Variants in ZNF839 observed in about 807,000 individuals in gnomAD.
ZNF839 encodes the protein renal carcinoma antigen NY-REN-50.
ZNF839 carries 38 observed loss-of-function variants against 56.4 expected under a neutral mutation model. The ratio of observed to expected loss-of-function variants is 0.67; its 90% CI spans 0.52 to 0.88. The LOEUF is 0.88. Ranked by LOEUF, ZNF839 falls within the 40% of genes least tolerant of loss-of-function variation. ZNF839 has a pLI of 0.00. For synonymous variants in ZNF839, 486 were observed against 493.5 expected (o/e 0.98, Z 0.20); for missense variants, 1,091 against 1,177.6 (o/e 0.93, Z 1.08).
At chr14:102,331,282 CTT>C (rs1597722959) in intron 2 of ZNF839, among the ~76,000 whole-genome samples, 1 of 152,052 alleles carries the variant, frequency 6.6e-6, no homozygotes, top group South Asian at 2.1e-4. Context: ...GAGTTTCCCT[CTT>C]GTCACCCAGG....
upstream of ZNF839, among the ~76,000 whole-genome samples, chr14:102,318,755 A>G (rs1050893587): frequency 1.3e-5 from 2 of 152,146 alleles, no homozygotes; most frequent in African/African-American, 4.8e-5. Context: ...ATCTTCCAGA[A>G]CCTTCTCTGA....
Position 102,326,552 on chromosome 14 carries a change from CT to C in ZNF839, c.857del (p.Leu286ProfsTer23). On this transcript the variant is annotated frameshift_variant, in exon 2 of 8. Transcript: ENST00000442396. LOFTEE classifies it high-confidence loss of function. The surrounding 1 kb of genome is among the most constrained non-coding windows in gnomAD (Gnocchi z 4.3). ...GTCAGATTCTGATGATTACTCAGAA[CT>C]CTGTGTGGAAGAAGATGAAGATCAG... Reference protein sequence around the residue: ...HLSDSDDYSELCVEEDEDQRE... With the variant: ...HLSDSDDYSEXCVEEDEDQRE... The C allele has an allele frequency of 6.2e-7, 1 of 1,613,986 alleles. No individual in the cohort carries two copies. Among genetic ancestry groups the C allele is most frequent in the Non-Finnish European group, 8.5e-7 (1 of 1,179,896 alleles).
Position 102,332,695 on chromosome 14 carries a change from A to T in ZNF839, c.1416+849A>T, listed in dbSNP as rs2073842081. The stretch of plus-strand genomic sequence containing the variant: ...GAGGCCGAGGTGGGCGGATCACCTG[A>T]AGTCAGGAGTTCGAGACCAGCCTGA... On this transcript the variant is annotated intron_variant, in intron 3 of 7. Coordinates refer to ENST00000442396, the MANE Select transcript of ZNF839 (RefSeq NM_018335.6). The surrounding 1 kb of genome is among the most constrained non-coding windows in gnomAD (Gnocchi z 4.9). Among the ~76,000 whole-genome samples, 1 of 151,908 alleles carries T rather than the reference A, an allele frequency of 6.6e-6. No individual in the cohort carries two copies. Among genetic ancestry groups the T allele is most frequent in the South Asian group, 2.1e-4 (1 of 4,800 alleles).
chr14:102,335,433 C>T (rs528044861), intron 4 of ZNF839: 3 of 415,078 alleles, frequency 7.2e-6, no homozygotes, highest in Non-Finnish European at 8.7e-6. Context: ...CCCACCCTGT[C>T]CAGGAGCTCA....
In ZNF839 at chr14:102,319,770, C is replaced by A; in HGVS notation, c.5C>A (p.Ala2Glu). 1.6e-6 allele frequency: 2 copies of A among 1,230,486 alleles called. No individual in the cohort carries two copies. Among genetic ancestry groups the A allele is most frequent in the Non-Finnish European group, 2.0e-6 (2 of 986,894 alleles). The allele number at this position is 1,230,486 out of a possible 1,614,324, so 76.2% of individuals were successfully genotyped here. The change falls in exon 1 of 8, where the codon GCG becomes GAG. Residue 2 changes from alanine (A) to glutamate (E), a missense_variant. Transcript: ENST00000442396. The surrounding 1 kb of genome is among the most constrained non-coding windows in gnomAD (Gnocchi z 4.5). The stretch of plus-strand genomic sequence containing the variant: ...CGAGTCCCCGCCTCGGCCGCCATGG[C>A]GGATGCGGAGCCGGAGGCTGGGGGC... The part of the protein sequence containing the change: M[A>E]DAEPEAGGGS...
At chr14:102,320,891 C>T (rs1009746563) in intron 1 of ZNF839, among the ~76,000 whole-genome samples, 2 of 152,300 alleles carry the variant, frequency 1.3e-5, no homozygotes, top group African/African-American at 4.8e-5. Flanking sequence ...AAATTCCACC[C>T]CATTTCAGCG....
chr14:102,338,539 GAAAAAAA>G (rs954011615), intron 5 of ZNF839, among the ~76,000 whole-genome samples: 3 of 32,076 alleles, frequency 9.4e-5, no homozygotes, highest in Admixed American at 3.1e-4. Flanking sequence ...CTCTGTCTCA[GAAAAAAA>G]AAAAAAAAAA....
chr14:102,321,222 A>G (rs1224618041), intron 1 of ZNF839, among the ~76,000 whole-genome samples: 2 of 152,252 alleles, frequency 1.3e-5, no homozygotes, highest in African/African-American at 4.8e-5. Context: ...AGCTATCTGC[A>G]AAGCCTCTGC....
chr14:102,328,999 C>G (rs1368324285), intron 2 of ZNF839, among the ~76,000 whole-genome samples: 3 of 146,408 alleles, frequency 2.0e-5, no homozygotes, highest in African/African-American at 7.6e-5. Flanking sequence ...GAGATGGAGT[C>G]TTGCTCTGTC....
chr14:102,326,457 C>G lies in ZNF839; in HGVS notation c.761C>G (p.Ser254Cys), dbSNP rs1411644329. ...LKVKTRSGRVSRPPKYKAKDY... is the reference protein window; with the variant it reads ...LKVKTRSGRVCRPPKYKAKDY... ...GTAAAGACACGTTCTGGACGGGTAT[C>G]TCGACCTCCCAAATATAAAGCTAAA... Residue 254 changes from serine (S) to cysteine (C), a missense_variant, in exon 2 of 8, where the codon TCT (serine) becomes TGT (cysteine). By Grantham distance (112) the Ser-to-Cys change is moderately radical. Around this residue, in one of 3 missense-constraint regions of ZNF839, gnomAD observed 614 missense variants for 629.2 expected, o/e 0.98. Transcript: ENST00000442396. The surrounding 1 kb of genome is among the most constrained non-coding windows in gnomAD (Gnocchi z 4.3). 5 of 1,614,006 alleles carry G rather than the reference C, an allele frequency of 3.1e-6. No homozygotes were observed. The African/African-American group carries it at 4.0e-5, about 13-fold the overall frequency.
intron 4 of ZNF839, chr14:102,335,484 C>T: frequency 1.8e-6 from 1 of 545,240 alleles, no homozygotes; most frequent in Middle Eastern, 4.9e-4. Flanking sequence ...TTGTTTGTTT[C>T]TTGGCCTGCT....
chr14:102,324,527 A>G (rs2073302950), intron 1 of ZNF839, among the ~76,000 whole-genome samples: 1 of 152,074 alleles, frequency 6.6e-6, no homozygotes. Flanking sequence ...TGGACCACAG[A>G]GCGAGACTTC....
At chr14:102,330,935 G>A (rs2073749043) in intron 2 of ZNF839, among the ~76,000 whole-genome samples, 1 of 152,222 alleles carries the variant, frequency 6.6e-6, no homozygotes, top group Non-Finnish European at 1.5e-5. Flanking sequence ...CAAAAGCCAT[G>A]CAGATGCATG....
intron 1 of ZNF839, among the ~76,000 whole-genome samples, chr14:102,320,789 G>A (rs1163817314): frequency 6.6e-6 from 1 of 152,142 alleles, no homozygotes; most frequent in Non-Finnish European, 1.5e-5. Flanking sequence ...ACACCTTTTG[G>A]TTGCTAGGGG....
In ZNF839 at chr14:102,325,980, G is replaced by T. The variant is rs80078732; in HGVS notation, c.289-5G>T. The T allele has an allele frequency of 6.2e-7, 1 of 1,610,738 alleles. No individual in the cohort carries two copies. Among genetic ancestry groups the T allele is most frequent in the Non-Finnish European group, 8.5e-7 (1 of 1,178,648 alleles). ...TTTTCTCTTTCTTGTCTTTCTGTAC[G>T]TAAGCAACTAGAAGCCATTTGTGTC... On this transcript the variant is annotated splice_region_variant and splice_polypyrimidine_tract_variant and intron_variant, in intron 1 of 7. Coordinates refer to ENST00000442396, the MANE Select transcript of ZNF839 (RefSeq NM_018335.6).
At position 102,342,237 on chromosome 14, in the gene ZNF839, A is replaced by C; in HGVS notation, c.*58A>C. On this transcript the variant is annotated 3_prime_UTR_variant, in exon 8 of 8. Transcript: ENST00000442396. ...GTCACCGTGGAGCCAGAGCCCTCACAGTGAAGTGGAGTCAGATCCTAGATT... is the reference window on the plus strand; with the variant it reads ...GTCACCGTGGAGCCAGAGCCCTCACCGTGAAGTGGAGTCAGATCCTAGATT... The C allele has an allele frequency of 3.9e-6, 6 of 1,536,040 alleles. No individual in the cohort carries two copies. Among genetic ancestry groups the C allele is most frequent in the Non-Finnish European group, 5.3e-6 (6 of 1,141,888 alleles).
Position 102,342,049 on chromosome 14 carries a change from G to T in ZNF839, c.2654G>T (p.Gly885Val). The stretch of plus-strand genomic sequence containing the variant: ...GGGAGCCATGAGTTACTGTCTCAGG[G>T]ACAGAAGCAGATTTTTATTCAGACT... ...SNGSHELLSQGQKQIFIQTSD... is the reference protein window; with the variant it reads ...SNGSHELLSQVQKQIFIQTSD... The change falls in exon 8 of 8, where the codon GGA becomes GTA. Residue 885 changes from glycine to valine, a missense_variant. Transcript: ENST00000442396. The T allele has an allele frequency of 6.2e-7, 1 of 1,614,026 alleles. No homozygotes were observed. Among genetic ancestry groups the T allele is most frequent in the East Asian group, 2.2e-5 (1 of 44,884 alleles).
chr14:102,336,704 A>G (rs939483022), intron 5 of ZNF839: 4 of 402,728 alleles, frequency 9.9e-6, no homozygotes, highest in Non-Finnish European at 1.9e-5. Flanking sequence ...ACTGATGATC[A>G]GAGTTAAAAC....
chr14:102,334,517 G>A (rs1192745940), intron 3 of ZNF839, 37 bp from the exon 4 acceptor site: 25 of 1,474,716 alleles, frequency 1.7e-5, no homozygotes, highest in Non-Finnish European at 2.3e-5. Flanking sequence ...AAATTCTTAC[G>A]GGACATTCAA....
Sources: gnomAD v4.1 joint callset for allele counts (sites outside exome capture counted in the v4.1 genomes callset) on GRCh38, gnomAD v4.1.1 for gene constraint, gnomAD v4.1.1 regional missense constraint, Gnocchi (gnomAD v3.1) non-coding constraint, MANE v1.5 for transcripts, NCBI Gene and HGNC (gene_info 2026-07-23, HGNC 2026-07-21) for gene names.